Variants in RNF20 observed in about 807,000 individuals in gnomAD.
The protein encoded by RNF20 is ring finger protein 20.
Under a neutral mutation model 126.2 loss-of-function variants are expected in RNF20, and 84 were observed. The ratio of observed to expected loss-of-function variants is 0.67; its 90% CI spans 0.56 to 0.80. The LOEUF is 0.80. Ranked by LOEUF, RNF20 falls within the 30% of genes least tolerant of loss-of-function variation. RNF20 has a pLI of 0.00. For missense variants in RNF20, 869 were observed against 1,188.2 expected, an observed-to-expected ratio of 0.73 and a Z score of 3.95; for synonymous variants, 400 against 414.3, an observed-to-expected ratio of 0.97 and a Z score of 0.42.
chr9:101,556,997 A>G (rs1399616419), intron 15 of RNF20, among the ~76,000 whole-genome samples: 1 of 152,240 alleles, frequency 6.6e-6, no homozygotes, highest in Non-Finnish European at 1.5e-5. Context: ...GATTGTTACA[A>G]GGCTTTAGAT....
chr9:101,557,082 G>A (rs2118733903), intron 15 of RNF20, among the ~76,000 whole-genome samples: 1 of 152,326 alleles, frequency 6.6e-6, no homozygotes, highest in Non-Finnish European at 1.5e-5. Context: ...GAGAGGTTAT[G>A]ATGGAAGTAC....
chr9:101,550,478 TA>T (rs1380185300), intron 9 of RNF20, 127 bp from the exon 10 acceptor site: 1 of 770,612 alleles, frequency 1.3e-6, no homozygotes, highest in Non-Finnish European at 2.2e-6. Context: ...AATGGGTAGA[TA>T]ACTTAATAAT....
chr9:101,547,527 G>C lies in RNF20; in HGVS notation c.1092+9G>C. On this transcript the variant is annotated intron_variant, in intron 9 of 19. Transcript: ENST00000389120. ...AAAATGAAAAGCTGAAGGTAGGAAC[G>C]CATCCCTGAAGGGCAGTAAAATCAG... 1 of 1,613,596 alleles carries C rather than the reference G, an allele frequency of 6.2e-7. No individual in the cohort carries two copies. The highest frequency in any genetic ancestry group is 8.5e-7 in the Non-Finnish European group (1 of 1,179,780).
intron 10 of RNF20, 122 bp from the exon 11 acceptor site, chr9:101,551,562 G>T: frequency 1.1e-5 from 8 of 698,832 alleles, no homozygotes; most frequent in Middle Eastern, 4.5e-4. Flanking sequence ...TTAGTCTTTT[G>T]TAGATATCTG....
rs369447781 is a variant in RNF20 at position 101,552,591 on chromosome 9, G to A, written c.1739G>A (p.Arg580Gln). The A allele has an allele frequency of 7.6e-6, 12 of 1,585,724 alleles. No individual in the cohort carries two copies. Among genetic ancestry groups the A allele is most frequent in the East Asian group, 2.2e-5 (1 of 44,712 alleles). ...ERERREKERE[R>Q]EREREKEKER... ...GAAAGGAGGGAGAAGGAGAGGGAAC[G>A]AGAAAGAGAACGGGAGAAGGAGAAG... Residue 580 changes from arginine to glutamine, a missense_variant, in exon 13 of 20, where the codon CGA becomes CAA. Coordinates refer to ENST00000389120, the MANE Select transcript of RNF20 (RefSeq NM_019592.7).
At chr9:101,552,021 A>G in intron 11 of RNF20, 120 bp from the exon 12 acceptor site, 1 of 1,400,876 alleles carries the variant, frequency 7.1e-7, no homozygotes. Flanking sequence ...TCTGAGAAGG[A>G]ATCTTTTATT....
chr9:101,538,505 G>A (rs1383102470), intron 2 of RNF20, among the ~76,000 whole-genome samples: 1 of 152,062 alleles, frequency 6.6e-6, no homozygotes, highest in Admixed American at 6.6e-5. Flanking sequence ...GCCTGGAAGT[G>A]GCAATGGAAA....
chr9:101,556,437 G>A (rs1827531785), intron 15 of RNF20, among the ~76,000 whole-genome samples: 3 of 152,016 alleles, frequency 2.0e-5, no homozygotes. Flanking sequence ...TTTTAAATCA[G>A]TGGGGAAAAG....
chr9:101,537,510 A>G (rs1485557243), intron 2 of RNF20, among the ~76,000 whole-genome samples: 1 of 151,642 alleles, frequency 6.6e-6, no homozygotes, highest in Non-Finnish European at 1.5e-5. Flanking sequence ...GGTCTGGGCT[A>G]AAGCTGTATA....
Position 101,552,189 on chromosome 9 carries a change from A to G in RNF20, c.1457A>G (p.His486Arg). 6.2e-7 allele frequency: 1 copy of G among 1,614,176 alleles called. No homozygotes were observed. Among genetic ancestry groups the G allele is most frequent in the East Asian group, 2.2e-5 (1 of 44,876 alleles). Residue 486 changes from histidine to arginine, a missense_variant, in exon 12 of 20, where the codon CAC becomes CGC. Physicochemically the swap from His to Arg is conservative, Grantham distance 29. This residue lies in a region of RNF20 where 231 missense variants were observed against 263.6 expected (regional missense o/e 0.88). Coordinates refer to ENST00000389120, the MANE Select transcript of RNF20 (RefSeq NM_019592.7). ...CACCTCATCAGTAGCCTCCAGAATCACAATCACCAGCTGAAAGGGGAGGTC... is the reference window on the plus strand; with the variant it reads ...CACCTCATCAGTAGCCTCCAGAATCGCAATCACCAGCTGAAAGGGGAGGTC... Reference protein sequence around the residue: ...MRHLISSLQNHNHQLKGEVLR... With the variant: ...MRHLISSLQNRNHQLKGEVLR...
rs1450963633 is a variant in RNF20 at position 101,540,231 on chromosome 9, C to T, written c.158C>T (p.Thr53Ile). ...TEELDIRTLQ[T>I]KNRKLAEMLD... Reference sequence around the variant, plus strand: ...GAACTAGACATTAGAACACTGCAAACCAAAAATCGCAAGCTGGCAGAAATG... The same window carrying T: ...GAACTAGACATTAGAACACTGCAAATCAAAAATCGCAAGCTGGCAGAAATG... The change falls in exon 3 of 20, where the codon ACC becomes ATC. Residue 53 changes from threonine (T) to isoleucine (I), a missense_variant. Thr to Ile is a moderately conservative substitution (Grantham distance 89). Around this residue, in one of 8 missense-constraint regions of RNF20, gnomAD observed 157 missense variants for 236.0 expected, o/e 0.67. Coordinates refer to ENST00000389120, the MANE Select transcript of RNF20 (RefSeq NM_019592.7). 6.2e-7 allele frequency: 1 copy of T among 1,614,006 alleles called. No individual in the cohort carries two copies. The highest frequency in any genetic ancestry group is 1.7e-5 in the Admixed American group (1 of 60,012).
intron 14 of RNF20, 32 bp downstream of exon 14, chr9:101,554,137 G>C (rs1827491795): frequency 2.5e-6 from 3 of 1,209,160 alleles, no homozygotes; most frequent in Admixed American, 1.9e-5. Context: ...TGTCCTTCTG[G>C]TTAAAATCTT....
At position 101,552,180 on chromosome 9, in the gene RNF20, T is replaced by C; in HGVS notation, c.1448T>C (p.Leu483Pro). The change falls in exon 12 of 20, where the codon CTC becomes CCC. Residue 483 changes from leucine to proline, a missense_variant. Coordinates refer to ENST00000389120, the MANE Select transcript of RNF20 (RefSeq NM_019592.7). ...NREMRHLISS[L>P]QNHNHQLKGE... ...GAGATGCGCCACCTCATCAGTAGCC[T>C]CCAGAATCACAATCACCAGCTGAAA... 1 of 1,614,066 alleles carries C rather than the reference T, an allele frequency of 6.2e-7. No homozygotes were observed. Among genetic ancestry groups the C allele is most frequent in the Non-Finnish European group, 8.5e-7 (1 of 1,180,010 alleles).
At chr9:101,543,669 A>G (rs1023250606) in intron 5 of RNF20, among the ~76,000 whole-genome samples, 1 of 152,272 alleles carries the variant, frequency 6.6e-6, no homozygotes, top group African/African-American at 2.4e-5. Flanking sequence ...ATTCAAAAGA[A>G]TTGCATTTAT....
chr9:101,536,362 T>A (rs754106068), intron 2 of RNF20, among the ~76,000 whole-genome samples: 50 of 152,206 alleles, frequency 3.3e-4, no homozygotes, highest in Non-Finnish European at 6.8e-4. Context: ...ATGCTTTACA[T>A]TTGTATGGCT....
chr9:101,543,036 A>G (rs1827282477), intron 5 of RNF20, among the ~76,000 whole-genome samples: 1 of 152,230 alleles, frequency 6.6e-6, no homozygotes, highest in Non-Finnish European at 1.5e-5. Context: ...AGTAGTTTCT[A>G]CTTCCCCATT....
intron 2 of RNF20, among the ~76,000 whole-genome samples, chr9:101,538,464 AG>A: frequency 6.6e-6 from 1 of 152,220 alleles, no homozygotes. Flanking sequence ...CTGCAGAGGT[AG>A]GAGGTTTTAG....
At chr9:101,538,146 A>C (rs1251310792) in intron 2 of RNF20, among the ~76,000 whole-genome samples, 3 of 152,156 alleles carry the variant, frequency 2.0e-5, no homozygotes, top group African/African-American at 7.2e-5. Flanking sequence ...GTTGTGAAGA[A>C]TGAGGTGTTT....
At position 101,547,441 on chromosome 9, in the gene RNF20, G is replaced by T. The variant is rs772567766; in HGVS notation, c.1015G>T (p.Ala339Ser). Residue 339 changes from alanine (A) to serine (S), a missense_variant, in exon 9 of 20, where the codon GCT becomes TCT. Coordinates refer to ENST00000389120, the MANE Select transcript of RNF20 (RefSeq NM_019592.7). Reference sequence around the variant, plus strand: ...AGAGCTTGAGGAGAACAAAGAGTTGGCTCAGAACCGTCTCTGTGAGCTGGA... The same window carrying T: ...AGAGCTTGAGGAGAACAAAGAGTTGTCTCAGAACCGTCTCTGTGAGCTGGA... The part of the protein sequence containing the change: ...NAELEENKEL[A>S]QNRLCELEKL... 5 of 1,614,150 alleles carry T rather than the reference G, an allele frequency of 3.1e-6. No individual in the cohort carries two copies. Among genetic ancestry groups the T allele is most frequent in the African/African-American group, 1.3e-5 (1 of 75,046 alleles).
Sources: gnomAD v4.1 joint callset for allele counts (sites outside exome capture counted in the v4.1 genomes callset) on GRCh38, gnomAD v4.1.1 for gene constraint, gnomAD v4.1.1 regional missense constraint, MANE v1.5 for transcripts, NCBI Gene and HGNC (gene_info 2026-07-23, HGNC 2026-07-21) for gene names.